Variants in MYRIP observed in about 807,000 individuals in gnomAD.
MYRIP encodes myosin VIIA and Rab interacting protein, also known as rab effector MyRIP.
MYRIP carries 49 observed loss-of-function variants against 98.0 expected under a neutral mutation model. That is an observed-to-expected ratio of 0.50 (90% CI 0.40 to 0.63). The LOEUF (loss-of-function observed/expected upper bound fraction) is 0.63, where lower values mean the gene tolerates loss of function less well. MYRIP is among the 30% of genes least tolerant of loss of function. The probability of loss-of-function intolerance (pLI) is 0.00; values close to 1 mark genes in which losing one functional copy is unlikely to be tolerated. For missense variants in MYRIP, 1,004 were observed against 1,058.2 expected (o/e 0.95, Z 0.71); for synonymous variants, 404 against 409.5 (o/e 0.99, Z 0.16).
In MYRIP at chr3:40,236,222, T is replaced by C. The variant is rs189698855; in HGVS notation, c.2100+2169T>C. On this transcript the variant is annotated intron_variant, in intron 12 of 16. Transcript: ENST00000302541. ...GTAACATGCTGTAGCCTAGGAGCAATAGGCTAGGTGTGTAGTAGGTTATAC... is the reference window on the plus strand; with the variant it reads ...GTAACATGCTGTAGCCTAGGAGCAACAGGCTAGGTGTGTAGTAGGTTATAC... Among the ~76,000 whole-genome samples, 3 of 152,284 alleles carry C rather than the reference T, an allele frequency of 2.0e-5. No homozygotes were observed. In the East Asian group the frequency reaches 5.8e-4, roughly 29 times the overall value.
At position 40,093,987 on chromosome 3, in the gene MYRIP, G is replaced by C. The variant is rs148720179; in HGVS notation, c.332+49716G>C. On this transcript the variant is annotated intron_variant, in intron 3 of 16. Coordinates refer to ENST00000302541, the MANE Select transcript of MYRIP (RefSeq NM_015460.4). ...GACACTCTGTCTTTCCTACTTTCCT[G>C]TTACCTCCTACCACAAGGCCTTTGC... is the stretch of plus-strand genomic sequence containing the variant. Among the ~76,000 whole-genome samples the C allele has an allele frequency of 3.0e-3, 460 of 152,020 alleles. 2 individuals carry two copies. Among genetic ancestry groups the C allele is most frequent in the African/African-American group, 0.011 (442 of 41,440 alleles).
At chr3:39,842,493 G>C (rs189354281) in intron 1 of MYRIP, among the ~76,000 whole-genome samples, 14 of 152,270 alleles carry the variant, frequency 9.2e-5, no homozygotes, top group Non-Finnish European at 1.5e-4. Context: ...GCCGTTTCAG[G>C]TGCCACTGGG....
chr3:39,857,179 C>T (rs1283765966), intron 1 of MYRIP, among the ~76,000 whole-genome samples: 1 of 150,902 alleles, frequency 6.6e-6, no homozygotes, highest in Non-Finnish European at 1.5e-5. Flanking sequence ...TGCTACTGCA[C>T]TCCAGCCTGA....
intron 3 of MYRIP, among the ~76,000 whole-genome samples, chr3:40,117,613 A>G (rs1949311835): frequency 6.6e-6 from 1 of 152,216 alleles, no homozygotes; most frequent in African/African-American, 2.4e-5. Context: ...TATCATCAAT[A>G]CAGCATATTG....
At chr3:40,105,719 T>C (rs1949038904) in intron 3 of MYRIP, among the ~76,000 whole-genome samples, 1 of 152,100 alleles carries the variant, frequency 6.6e-6, no homozygotes. Context: ...CTTATGATCA[T>C]GGTGGAAGGT....
intron 13 of MYRIP, among the ~76,000 whole-genome samples, chr3:40,249,169 T>C (rs968640590): frequency 6.6e-6 from 1 of 152,232 alleles, no homozygotes; most frequent in Non-Finnish European, 1.5e-5. Flanking sequence ...GGAGACCTCA[T>C]GTGTGGAGCA....
At chr3:39,857,491 A>C (rs1275874315) in intron 1 of MYRIP, among the ~76,000 whole-genome samples, 1 of 152,200 alleles carries the variant, frequency 6.6e-6, no homozygotes, top group Non-Finnish European at 1.5e-5. Flanking sequence ...ATAATTCTCA[A>C]TCAAGCAGAG....
At chr3:40,196,051 T>C (rs1286038105) in intron 10 of MYRIP, among the ~76,000 whole-genome samples, 3 of 152,124 alleles carry the variant, frequency 2.0e-5, no homozygotes, top group African/African-American at 4.8e-5. Context: ...AAAAAATTTC[T>C]CTGCACTATA....
chr3:39,994,167 ACTGGGGAGT>A (rs1946270824), intron 2 of MYRIP, among the ~76,000 whole-genome samples: 1 of 152,228 alleles, frequency 6.6e-6, no homozygotes, highest in Non-Finnish European at 1.5e-5. Flanking sequence ...GGTTCATCTC[ACTGGGGAGT>A]GTCGGACAGT....
chr3:40,083,946 GCTAACAC>G (rs1358748101), intron 3 of MYRIP, among the ~76,000 whole-genome samples: 1 of 151,782 alleles, frequency 6.6e-6, no homozygotes, highest in Non-Finnish European at 1.5e-5. Flanking sequence ...GACCATCCTG[GCTAACAC>G]AGTGAAACCC....
chr3:40,163,550 T>C (rs1477362977), intron 5 of MYRIP, among the ~76,000 whole-genome samples: 2 of 152,192 alleles, frequency 1.3e-5, no homozygotes, highest in African/African-American at 2.4e-5. Context: ...AAAGCCCAGA[T>C]AGAACAAAAA....
chr3:40,156,970 A>T (rs1190526595), intron 4 of MYRIP, among the ~76,000 whole-genome samples: 1 of 152,228 alleles, frequency 6.6e-6, no homozygotes, highest in Admixed American at 6.5e-5. Context: ...TCTTTTACTA[A>T]TTGAATACCC....
chr3:39,960,868 A>G (rs1179389620), intron 2 of MYRIP, among the ~76,000 whole-genome samples: 6 of 152,222 alleles, frequency 3.9e-5, no homozygotes, highest in African/African-American at 1.4e-4. Flanking sequence ...TGTACACTGG[A>G]TCTTCCTTCT....
intron 1 of MYRIP, among the ~76,000 whole-genome samples, chr3:39,850,834 C>T (rs1942109414): frequency 6.6e-6 from 1 of 152,048 alleles, no homozygotes; most frequent in Non-Finnish European, 1.5e-5. Flanking sequence ...GTAGAGAGAG[C>T]AAAGAGGATC....
At chr3:39,869,026 T>C (rs1392909133) in intron 1 of MYRIP, among the ~76,000 whole-genome samples, 2 of 152,244 alleles carry the variant, frequency 1.3e-5, no homozygotes, top group African/African-American at 4.8e-5. Flanking sequence ...GACTGTGATG[T>C]GCCTAGGCAT....
chr3:39,844,011 T>C (rs1941886677), intron 1 of MYRIP, among the ~76,000 whole-genome samples: 1 of 152,174 alleles, frequency 6.6e-6, no homozygotes, highest in South Asian at 2.1e-4. Flanking sequence ...CTGAGAGACC[T>C]CCACAGATGT....
intron 1 of MYRIP, among the ~76,000 whole-genome samples, chr3:39,887,366 AC>A (rs1446610006): frequency 1.3e-5 from 2 of 151,944 alleles, no homozygotes; most frequent in Admixed American, 1.3e-4. Context: ...AAATAGAGAC[AC>A]AAAAAACCAT....
At chr3:39,984,496 G>T (rs556798838) in intron 2 of MYRIP, among the ~76,000 whole-genome samples, 2 of 151,994 alleles carry the variant, frequency 1.3e-5, no homozygotes, top group East Asian at 3.9e-4. Flanking sequence ...TTGTTCTTGC[G>T]ATAGTTTACT....
At chr3:40,022,018 C>G (rs1947010909) in intron 2 of MYRIP, among the ~76,000 whole-genome samples, 1 of 152,196 alleles carries the variant, frequency 6.6e-6, no homozygotes, top group African/African-American at 2.4e-5. Flanking sequence ...AAGAATTGAT[C>G]AAATGTTCAG....
Sources: gnomAD v4.1 joint callset for allele counts (sites outside exome capture counted in the v4.1 genomes callset) on GRCh38, gnomAD v4.1.1 for gene constraint, MANE v1.5 for transcripts, NCBI Gene and HGNC (gene_info 2026-07-23, HGNC 2026-07-21) for gene names.